Variants in DTNA observed in about 807,000 individuals in gnomAD.
DTNA encodes dystrophin-related protein 3.
Under a neutral mutation model 100.7 loss-of-function variants are expected in DTNA, and 43 were observed. That is an observed-to-expected ratio of 0.43 (90% CI 0.33 to 0.55). DTNA has a LOEUF of 0.55. Ranked by LOEUF, DTNA falls within the 20% of genes least tolerant of loss-of-function variation. DTNA has a pLI of 0.04. For missense variants in DTNA, 798 were observed against 953.9 expected, an observed-to-expected ratio of 0.84 and a Z score of 2.15; for synonymous variants, 349 against 347.9, an observed-to-expected ratio of 1.00 and a Z score of -0.04.
In DTNA at chr18:34,634,698, A is replaced by T. The variant is rs1043327593; in HGVS notation, c.-1-121278A>T. ...AACTCAAAAAGTGGTTGTTTCTTTT[A>T]AAAAAAATTTAATTAACAAATATAA... On this transcript the variant is annotated intron_variant, in intron 1 of 19. Coordinates refer to the DTNA transcript ENST00000283365. Among the ~76,000 whole-genome samples, 2 of 151,962 alleles carry T rather than the reference A, an allele frequency of 1.3e-5. 1 individual carries two copies. The highest frequency in any genetic ancestry group is 2.9e-5 in the Non-Finnish European group (2 of 67,970).
At chr18:34,879,425 A>G in intron 19 of DTNA, 126 bp from the exon 20 acceptor site, 1 of 919,438 alleles carries the variant, frequency 1.1e-6, no homozygotes, top group Admixed American at 2.4e-5. Flanking sequence ...AATGTATTTG[A>G]TTAAAATATG....
chr18:34,780,573 T>C lies in DTNA; in HGVS notation c.149-13464T>C, dbSNP rs2094273991. On this transcript the variant is annotated intron_variant, in intron 3 of 22. Transcript: ENST00000444659. ...TAAATAAAAAACAATGATATTATAT[T>C]GTGGAGAAAAATAAAGTGAGAAAAA... Among the ~76,000 whole-genome samples, 5 of 152,338 alleles carry C rather than the reference T, an allele frequency of 3.3e-5. No homozygotes were observed. The South Asian group carries it at 1.0e-3, about 32-fold the overall frequency.
intron 1 of DTNA, among the ~76,000 whole-genome samples, chr18:34,522,262 C>T (rs981455284): frequency 5.9e-5 from 9 of 152,092 alleles, no homozygotes; most frequent in African/African-American, 1.7e-4. Context: ...GGCTTTGCAT[C>T]CTGTTCTTGG....
At chr18:34,753,583 C>T (rs2092556922) in intron 1 of DTNA, among the ~76,000 whole-genome samples, 1 of 148,542 alleles carries the variant, frequency 6.7e-6, no homozygotes, top group Admixed American at 6.6e-5. Flanking sequence ...GGGGTTTCAC[C>T]GTTTTAGCTG....
intron 11 of DTNA, among the ~76,000 whole-genome samples, chr18:34,835,342 G>A (rs1397642142): frequency 6.6e-6 from 1 of 152,142 alleles, no homozygotes; most frequent in African/African-American, 2.4e-5. Flanking sequence ...GAATTCACAT[G>A]GGAAAGGAAC....
At position 34,875,229 on chromosome 18, in the gene DTNA, G is replaced by T. The variant is rs192561043; in HGVS notation, c.1744-10G>T. The T allele has an allele frequency of 2.2e-3, 3,613 of 1,613,302 alleles. 7 individuals are homozygous for T. Among genetic ancestry groups the T allele is most frequent in the Non-Finnish European group, 2.4e-3 (2,861 of 1,179,446 alleles). On this transcript the variant is annotated splice_polypyrimidine_tract_variant and intron_variant, in intron 17 of 22. Transcript: ENST00000444659. ...GGAAAGCAAATTAATGACCTGCATT[G>T]TCTCTCCAGACTCAGGGGGCAGGCT...
At chr18:34,797,757 T>G (rs1189550266) in intron 4 of DTNA, among the ~76,000 whole-genome samples, 1 of 152,210 alleles carries the variant, frequency 6.6e-6, no homozygotes, top group East Asian at 1.9e-4. Context: ...CTGTGAAGCC[T>G]TTCGCCTGTC....
chr18:34,810,723 A>G (rs1218662761), intron 5 of DTNA, among the ~76,000 whole-genome samples: 1 of 152,212 alleles, frequency 6.6e-6, no homozygotes, highest in Non-Finnish European at 1.5e-5. Context: ...AAGAAATGAT[A>G]AATGTTTGAA....
At chr18:34,534,981 G>T (rs542797944) in intron 1 of DTNA, among the ~76,000 whole-genome samples, 3 of 152,262 alleles carry the variant, frequency 2.0e-5, no homozygotes, top group African/African-American at 7.2e-5. Context: ...ATAGTAGAAT[G>T]ATTTATAATC....
rs191417978 is a variant in DTNA at position 34,882,206 on chromosome 18, A to G, written c.2295+5A>G. 3.1e-6 allele frequency: 5 copies of G among 1,613,698 alleles called. No homozygotes were observed. The highest frequency in any genetic ancestry group is 2.2e-5 in the East Asian group (1 of 44,856). On this transcript the variant is annotated splice_donor_5th_base_variant and intron_variant, in intron 21 of 22. Transcript: ENST00000444659. ...CTGCAAGATGAAGCTTATCAGGTAC[A>G]GGGATCCAGGCCCACCCCACCCCAC... is the stretch of plus-strand genomic sequence containing the variant.
At chr18:34,635,707 A>G (rs1249677102) in intron 1 of DTNA, among the ~76,000 whole-genome samples, 1 of 152,144 alleles carries the variant, frequency 6.6e-6, no homozygotes, top group Non-Finnish European at 1.5e-5. Context: ...AAAAACACGA[A>G]TTTTGTTAAT....
intron 1 of DTNA, among the ~76,000 whole-genome samples, chr18:34,519,855 G>T (rs934333375): frequency 6.6e-6 from 1 of 152,144 alleles, no homozygotes; most frequent in Non-Finnish European, 1.5e-5. Flanking sequence ...AGAAGGTAAA[G>T]AAAGTTTTCT....
chr18:34,718,469 C>T lies in DTNA; in HGVS notation c.-2+8024C>T, dbSNP rs188480472. ...ATGATTTGGGTACATTATTCTTCTC[C>T]AGTCTTTACCCCATTTTGATGGACT... is the stretch of plus-strand genomic sequence containing the variant. On this transcript the variant is annotated intron_variant, in intron 1 of 22. Coordinates refer to ENST00000444659, the MANE Select transcript of DTNA (RefSeq NM_001386795.1). 4.6e-5 allele frequency among the ~76,000 whole-genome samples: 7 copies of T among 152,206 alleles called. No homozygotes were observed. In the East Asian group the frequency reaches 1.2e-3, roughly 25 times the overall value.
intron 1 of DTNA, among the ~76,000 whole-genome samples, chr18:34,669,366 T>C (rs935603914): frequency 7.9e-5 from 12 of 152,224 alleles, no homozygotes; most frequent in African/African-American, 2.4e-4. Flanking sequence ...CTGGTGGGTC[T>C]TGACTCTTTA....
intron 6 of DTNA, among the ~76,000 whole-genome samples, chr18:34,814,189 T>C (rs1045681923): frequency 2.6e-5 from 4 of 152,226 alleles, no homozygotes; most frequent in South Asian, 2.1e-4. Flanking sequence ...TTTACAAATA[T>C]GCAGATGATC....
intron 4 of DTNA, among the ~76,000 whole-genome samples, chr18:34,795,520 T>A (rs1354925974): frequency 6.6e-6 from 1 of 152,146 alleles, no homozygotes; most frequent in Non-Finnish European, 1.5e-5. Flanking sequence ...AGGACTGTGG[T>A]TCCACATGAC....
At chr18:34,585,255 AAAC>A (rs1342805193) in intron 1 of DTNA, among the ~76,000 whole-genome samples, 3 of 152,154 alleles carry the variant, frequency 2.0e-5, no homozygotes, top group Non-Finnish European at 2.9e-5. Context: ...GGGTACTAAA[AAAC>A]AACAACAACA....
chr18:34,577,565 A>T (rs12326140), intron 1 of DTNA, among the ~76,000 whole-genome samples: 2,150 of 152,172 alleles, frequency 0.014, 49 homozygotes, highest in African/African-American at 0.048. Context: ...CCCCATTTGT[A>T]GTCTTTTATC....
At chr18:34,608,006 C>A (rs1427196680) in intron 1 of DTNA, among the ~76,000 whole-genome samples, 10 of 152,134 alleles carry the variant, frequency 6.6e-5, no homozygotes, top group African/African-American at 2.2e-4. Flanking sequence ...GATTCCAAAT[C>A]CCTATGATTT....
Sources: allele counts gnomAD v4.1 joint callset (sites outside exome capture counted in the v4.1 genomes callset), GRCh38; gene constraint gnomAD v4.1.1; transcripts MANE v1.5; gene names NCBI Gene and HGNC (gene_info 2026-07-23, HGNC 2026-07-21).